SLC9A7: variants seen among roughly 807,000 people sequenced by gnomAD.
SLC9A7 encodes the protein solute carrier family 9 member A7.
In SLC9A7, 19 loss-of-function variants were observed where a neutral mutation model predicts 52.6. The ratio of observed to expected loss-of-function variants is 0.36; its 90% CI spans 0.25 to 0.53. The LOEUF is 0.53. Among genes scored for constraint, SLC9A7 ranks in the 20% least tolerant of loss-of-function variants. The probability of loss-of-function intolerance (pLI) is 0.91; values close to 1 mark genes in which losing one functional copy is unlikely to be tolerated. For missense variants in SLC9A7, 455 were observed against 597.9 expected, an observed-to-expected ratio of 0.76 and a Z score of 2.49; for synonymous variants, 226 against 252.1, an observed-to-expected ratio of 0.90 and a Z score of 0.98.
Position 46,606,415 on chromosome X carries a change from G to T in SLC9A7, c.*537C>A. ...CATAAAGTCAGGAATCCTGATATGA[G>T]GTTGCAGTCAAGCAGACTTCGTTGC... is the stretch of plus-strand genomic sequence containing the variant. On this transcript the variant is annotated 3_prime_UTR_variant, in exon 17 of 17. Coordinates refer to ENST00000616978, the MANE Select transcript of SLC9A7 (RefSeq NM_001257291.2). 2.6e-6 allele frequency: 2 copies of T among 756,267 alleles called. No homozygotes were observed. The highest frequency in any genetic ancestry group is 3.1e-6 in the Non-Finnish European group (2 of 640,343). The allele number at this position is 756,267 out of a possible 1,213,427, so 62.3% of individuals were successfully genotyped here.
chrX:46,735,534 G>A (rs1945108025), intron 1 of SLC9A7, among the ~76,000 whole-genome samples: 1 of 111,890 alleles, frequency 8.9e-6, no homozygotes, highest in African/African-American at 3.2e-5. Flanking sequence ...ACAACTAAAT[G>A]TTTAAAAGAT....
At chrX:46,718,944 TG>T (rs1285963369) in intron 1 of SLC9A7, among the ~76,000 whole-genome samples, 2 of 111,908 alleles carry the variant, frequency 1.8e-5, no homozygotes, top group Non-Finnish European at 3.8e-5. Context: ...ATCCCATTAC[TG>T]GGTATATACC....
chrX:46,700,568 A>G (rs1376584090), intron 1 of SLC9A7, among the ~76,000 whole-genome samples: 1 of 112,354 alleles, frequency 8.9e-6, no homozygotes, highest in Non-Finnish European at 1.9e-5. Context: ...TCACCAGGTT[A>G]ACTCTTAACC....
intron 13 of SLC9A7, among the ~76,000 whole-genome samples, chrX:46,633,481 G>C (rs1049266556): frequency 4.7e-5 from 5 of 106,474 alleles, no homozygotes; most frequent in African/African-American, 1.7e-4. Flanking sequence ...TTCTGGCAGG[G>C]TTGAGGGCCT....
At chrX:46,711,096 A>G (rs1944679904) in intron 1 of SLC9A7, among the ~76,000 whole-genome samples, 1 of 112,916 alleles carries the variant, frequency 8.9e-6, no homozygotes, top group South Asian at 3.6e-4. Flanking sequence ...GGGCAAATGG[A>G]GAAGGCCCCC....
At position 46,603,399 on chromosome X, in the gene SLC9A7, A is replaced by T. The variant is rs1942690016; in HGVS notation, c.*3553T>A. ...TTGTATGTGAGTAGATCAGAATCAA[A>T]TGTTTGCAGTGAAGACTACAAGACC... On this transcript the variant is annotated 3_prime_UTR_variant, in exon 17 of 17. Transcript: ENST00000616978. 1 of 112,312 alleles carries T rather than the reference A, an allele frequency of 8.9e-6. No homozygotes were observed. Among genetic ancestry groups the T allele is most frequent in the Admixed American group, 9.4e-5 (1 of 10,614 alleles). The allele number at this position is 112,312 out of a possible 1,213,427, so 9.3% of individuals were successfully genotyped here.
At chrX:46,672,716 G>A in intron 3 of SLC9A7, 89 bp from the exon 4 acceptor site, 1 of 647,559 alleles carries the variant, frequency 1.5e-6, no homozygotes. Context: ...TCTAAAAAGT[G>A]GAACTCTACT....
At chrX:46,610,233 G>T (rs1942826561) in intron 16 of SLC9A7, among the ~76,000 whole-genome samples, 1 of 112,733 alleles carries the variant, frequency 8.9e-6, no homozygotes, top group South Asian at 3.6e-4. Context: ...GCAAACAACA[G>T]TGTGTGGGGA....
At chrX:46,689,210 G>GT (rs754264920) in intron 1 of SLC9A7, among the ~76,000 whole-genome samples, 8 of 111,865 alleles carry the variant, frequency 7.2e-5, no homozygotes, top group African/African-American at 2.3e-4. Flanking sequence ...GTTTTGTTTT[G>GT]TTTTTTCCAT....
At chrX:46,725,367 C>T (rs1602275383) in intron 1 of SLC9A7, 4 of 1,193,915 alleles carry the variant, frequency 3.4e-6, no homozygotes, top group Non-Finnish European at 2.3e-6. Context: ...GCCATAACTG[C>T]GACTCAGTGC....
rs917094828 is a variant in SLC9A7 at position 46,715,158 on chromosome X, T to C, written c.326-32623A>G. 8.9e-5 allele frequency among the ~76,000 whole-genome samples: 10 copies of C among 112,167 alleles called. No individual in the cohort carries two copies. In the East Asian group the frequency reaches 2.2e-3, roughly 25 times the overall value. On this transcript the variant is annotated intron_variant, in intron 1 of 16. Coordinates refer to ENST00000616978, the MANE Select transcript of SLC9A7 (RefSeq NM_001257291.2). ...TACCCAAGCTCCTTACTCACATTGA[T>C]ATCTCATTTCTCTCAATAAGTATCC...
At chrX:46,689,666 A>G (rs1488208209) in intron 1 of SLC9A7, among the ~76,000 whole-genome samples, 2 of 107,286 alleles carry the variant, frequency 1.9e-5, no homozygotes, top group Non-Finnish European at 3.8e-5. Context: ...GGTTTGTTAC[A>G]TAGGTATACA....
rs1411222992 is a variant in SLC9A7 at position 46,607,065 on chromosome X, G to A, written c.2068C>T (p.Arg690Trp). 1 of 1,209,553 alleles carries A rather than the reference G, an allele frequency of 8.3e-7. No homozygotes were observed. Among genetic ancestry groups the A allele is most frequent in the African/African-American group, 1.8e-5 (1 of 57,014 alleles). ...HTASTSLEGSRRTKSSSEEVL... is the reference protein window; with the variant it reads ...HTASTSLEGSWRTKSSSEEVL... ...TCCTCCGAGCTGCTCTTCGTTCTCCGGCTGCCCTCCAGACTCGTGGAGGCG... is the reference window on the plus strand; with the variant it reads ...TCCTCCGAGCTGCTCTTCGTTCTCCAGCTGCCCTCCAGACTCGTGGAGGCG... Residue 690 changes from arginine to tryptophan, a missense_variant, in exon 17 of 17, where the codon CGG (arginine) becomes TGG (tryptophan). Around this residue, in one of 3 missense-constraint regions of SLC9A7, gnomAD observed 146 missense variants for 160.5 expected, o/e 0.91. Transcript: ENST00000616978.
intron 1 of SLC9A7, among the ~76,000 whole-genome samples, chrX:46,708,354 C>T (rs1304840292): frequency 9.1e-6 from 1 of 109,848 alleles, no homozygotes; most frequent in Non-Finnish European, 1.9e-5. Flanking sequence ...ATGGCGAAAC[C>T]CTAGCTGTAC....
At chrX:46,670,437 G>A (rs1943999983) in intron 4 of SLC9A7, among the ~76,000 whole-genome samples, 2 of 111,231 alleles carry the variant, frequency 1.8e-5, no homozygotes. Context: ...CAAATTGGGA[G>A]GAGTGAGGAG....
chrX:46,662,463 A>G, intron 6 of SLC9A7, 75 bp downstream of exon 6: 1 of 733,800 alleles, frequency 1.4e-6, no homozygotes, highest in East Asian at 3.3e-5. Flanking sequence ...TACATTTAAG[A>G]TAAGCCTCTG....
intron 1 of SLC9A7, among the ~76,000 whole-genome samples, chrX:46,688,222 T>A (rs1346751281): frequency 8.9e-6 from 1 of 111,926 alleles, no homozygotes; most frequent in African/African-American, 3.2e-5. Flanking sequence ...ATATGATAAA[T>A]CTATGTTTAA....
At chrX:46,620,743 A>G (rs1188044239) in intron 15 of SLC9A7, among the ~76,000 whole-genome samples, 1 of 112,343 alleles carries the variant, frequency 8.9e-6, no homozygotes, top group African/African-American at 3.2e-5. Flanking sequence ...ACATGAGTCT[A>G]CCAGGCTGTG....
chrX:46,635,657 CAGA>C lies in SLC9A7; in HGVS notation c.1617-12_1617-10del. ...GCTCCTCGACGCCAACTCTGGGCAGCAGAAGAAGGGAACGTGAGTGTGACAGGG... is the reference window on the plus strand; with the variant it reads ...GCTCCTCGACGCCAACTCTGGGCAGCAGAAGGGAACGTGAGTGTGACAGGG... On this transcript the variant is annotated splice_polypyrimidine_tract_variant and intron_variant, in intron 12 of 16. Transcript: ENST00000616978. 2 of 1,202,538 alleles carry C rather than the reference CAGA, an allele frequency of 1.7e-6. No homozygotes were observed. Among genetic ancestry groups the C allele is most frequent in the Non-Finnish European group, 2.3e-6 (2 of 887,430 alleles).
Sources: allele counts gnomAD v4.1 joint callset (sites outside exome capture counted in the v4.1 genomes callset), GRCh38; gene constraint gnomAD v4.1.1; regional missense constraint gnomAD v4.1.1; transcripts MANE v1.5; gene names NCBI Gene and HGNC (gene_info 2026-07-23, HGNC 2026-07-21).